Variants in ZMYND8 observed in about 807,000 individuals in gnomAD.
The protein encoded by ZMYND8 is MYND-type zinc finger-containing chromatin reader ZMYND8.
A neutral mutation model predicts 140.8 loss-of-function variants in ZMYND8; 37 were observed. The ratio of observed to expected loss-of-function variants is 0.26; its 90% CI spans 0.20 to 0.35. ZMYND8 has a LOEUF of 0.35. Ranked by LOEUF, ZMYND8 falls within the 10% of genes least tolerant of loss-of-function variation. ZMYND8 has a pLI of 1.00. For missense variants in ZMYND8, 1,068 were observed against 1,570.0 expected (o/e 0.68, Z 5.40); for synonymous variants, 592 against 597.1 (o/e 0.99, Z 0.12).
intron 6 of ZMYND8, among the ~76,000 whole-genome samples, chr20:47,291,230 C>T (rs1192248240): frequency 6.6e-6 from 1 of 152,138 alleles, no homozygotes; most frequent in Non-Finnish European, 1.5e-5. Context: ...CATTTCACTG[C>T]CCATATTTTG....
intron 18 of ZMYND8, among the ~76,000 whole-genome samples, chr20:47,225,715 G>A (rs534650984): frequency 5.8e-4 from 88 of 151,770 alleles, no homozygotes; most frequent in Middle Eastern, 3.4e-3. Context: ...GAACCTTTGA[G>A]TCAATCTAAC....
chr20:47,231,918 T>C (rs1478416420), intron 16 of ZMYND8, among the ~76,000 whole-genome samples: 4 of 152,214 alleles, frequency 2.6e-5, no homozygotes, highest in African/African-American at 7.2e-5. Flanking sequence ...CTTCCAAATA[T>C]AGCAAAGACT....
At chr20:47,231,324 A>G (rs1042876687) in intron 16 of ZMYND8, among the ~76,000 whole-genome samples, 2 of 152,148 alleles carry the variant, frequency 1.3e-5, no homozygotes, top group Non-Finnish European at 2.9e-5. Flanking sequence ...AGATGCCCCA[A>G]TTCAGGGAGA....
chr20:47,322,504 G>A (rs1027410356), intron 2 of ZMYND8, among the ~76,000 whole-genome samples: 19 of 147,112 alleles, frequency 1.3e-4, no homozygotes, highest in African/African-American at 4.1e-4. Context: ...GCAGTGGCGC[G>A]ATCTTGGCTC....
intron 12 of ZMYND8, among the ~76,000 whole-genome samples, chr20:47,252,648 A>C (rs749502673): frequency 6.6e-6 from 1 of 152,186 alleles, no homozygotes; most frequent in Non-Finnish European, 1.5e-5. Context: ...AGGACCGGGA[A>C]CAGTGGCTCA....
chr20:47,311,746 T>C (rs1016810274), intron 2 of ZMYND8, among the ~76,000 whole-genome samples: 1 of 152,168 alleles, frequency 6.6e-6, no homozygotes, highest in Non-Finnish European at 1.5e-5. Context: ...GGCACACACC[T>C]GTAATCCCAG....
chr20:47,304,380 A>G (rs2078316427), intron 3 of ZMYND8, among the ~76,000 whole-genome samples: 1 of 152,258 alleles, frequency 6.6e-6, no homozygotes. Context: ...CTCTATCGCA[A>G]ATACTCAATT....
At chr20:47,248,786 T>C (rs1324162664) in intron 13 of ZMYND8, among the ~76,000 whole-genome samples, 3 of 151,926 alleles carry the variant, frequency 2.0e-5, no homozygotes, top group Non-Finnish European at 4.4e-5. Flanking sequence ...AGATCTGAGC[T>C]CAGCCTCACA....
intron 18 of ZMYND8, among the ~76,000 whole-genome samples, 184 bp downstream of exon 18, chr20:47,227,019 C>T (rs892240453): frequency 6.6e-6 from 1 of 152,132 alleles, no homozygotes; most frequent in Non-Finnish European, 1.5e-5. Flanking sequence ...GGGGGGCTCC[C>T]GCCAACACCC....
At chr20:47,301,022 A>T (rs2078004331) in intron 3 of ZMYND8, among the ~76,000 whole-genome samples, 1 of 151,820 alleles carries the variant, frequency 6.6e-6, no homozygotes, top group Admixed American at 6.6e-5. Context: ...AATGCCTGGT[A>T]TTTCCACAAT....
rs561659042 is a variant in ZMYND8, at chr20:47,339,173, T to C, written c.85+8683A>G. Among the ~76,000 whole-genome samples, 4 of 151,044 alleles carry C rather than the reference T, an allele frequency of 2.6e-5. No individual in the cohort carries two copies. In the South Asian group the frequency reaches 6.3e-4, roughly 24 times the overall value. On this transcript the variant is annotated intron_variant, in intron 2 of 22. Transcript: ENST00000471951. ...ATTTTTAGTAGAGACGGGGTTTCAC[T>C]GTGTTGGCCAAAATGGTCTCGATCT...
chr20:47,236,797 G>A (rs2039295949), intron 15 of ZMYND8, among the ~76,000 whole-genome samples: 1 of 152,142 alleles, frequency 6.6e-6, no homozygotes, highest in Admixed American at 6.5e-5. Context: ...AAAACTCAAT[G>A]CTGGCAAAAG....
chr20:47,294,651 G>C lies in ZMYND8; in HGVS notation c.567+15C>G, dbSNP rs2077529398. 2 of 1,608,356 alleles carry C rather than the reference G, an allele frequency of 1.2e-6. No homozygotes were observed. Among genetic ancestry groups the C allele is most frequent in the Admixed American group, 1.7e-5 (1 of 59,972 alleles). The stretch of plus-strand genomic sequence containing the variant: ...CGTTCATTTACGCGTATACCAAGAG[G>C]AACTTTCTTCTTACCCCTGGCTGTT... On this transcript the variant is annotated intron_variant, in intron 5 of 22. Transcript: ENST00000471951.
chr20:47,209,224 A>T lies in ZMYND8; in HGVS notation c.*1537T>A, dbSNP rs1428835743. The stretch of plus-strand genomic sequence containing the variant: ...TCGAGGACGACCACGGCATTTTTCC[A>T]AAACAGTTTAATTAAAAAAAGGTAA... On this transcript the variant is annotated 3_prime_UTR_variant, in exon 23 of 23. Transcript: ENST00000471951. 1 of 152,112 alleles carries T rather than the reference A, an allele frequency of 6.6e-6. No homozygotes were observed. Among genetic ancestry groups the T allele is most frequent in the Non-Finnish European group, 1.5e-5 (1 of 68,026 alleles). The allele number at this position is 152,112 out of a possible 1,614,324, so 9.4% of individuals were successfully genotyped here.
At chr20:47,224,632 T>G (rs1193062531) in intron 18 of ZMYND8, 76 bp from the exon 19 acceptor site, 1 of 1,587,224 alleles carries the variant, frequency 6.3e-7, no homozygotes, top group Non-Finnish European at 8.5e-7. Context: ...GCCCCCAGAT[T>G]CAGGCAGACG....
chr20:47,259,023 C>G (rs2074965528), intron 12 of ZMYND8, among the ~76,000 whole-genome samples: 1 of 151,990 alleles, frequency 6.6e-6, no homozygotes, highest in Non-Finnish European at 1.5e-5. Flanking sequence ...GCCCACCCAC[C>G]AAGACACACA....
chr20:47,245,036 G>A (rs922596203), intron 14 of ZMYND8, among the ~76,000 whole-genome samples: 5 of 152,030 alleles, frequency 3.3e-5, no homozygotes, highest in South Asian at 2.1e-4. Flanking sequence ...CAGCCTGGGC[G>A]ACAAGAGCCA....
chr20:47,356,272 G>A, intron 1 of ZMYND8: 2 of 1,125,610 alleles, frequency 1.8e-6, no homozygotes, highest in Non-Finnish European at 2.3e-6. Context: ...AATAGTGCAG[G>A]GGTGGGAGGG....
intron 2 of ZMYND8, among the ~76,000 whole-genome samples, chr20:47,315,901 G>A (rs1378206889): frequency 2.0e-5 from 3 of 152,166 alleles, no homozygotes; most frequent in Non-Finnish European, 4.4e-5. Flanking sequence ...GGTGAGGGAG[G>A]AATGCAGCCT....
Sources: gnomAD v4.1 joint callset for allele counts (sites outside exome capture counted in the v4.1 genomes callset) on GRCh38, gnomAD v4.1.1 for gene constraint, MANE v1.5 for transcripts, NCBI Gene and HGNC (gene_info 2026-07-23, HGNC 2026-07-21) for gene names.